Variants in NOS1AP observed in about 807,000 individuals in gnomAD.
NOS1AP encodes carboxyl-terminal PDZ ligand of neuronal nitric oxide synthase protein.
Under a neutral mutation model 56.2 loss-of-function variants are expected in NOS1AP, and 21 were observed. That is an observed-to-expected ratio of 0.37 (90% CI 0.26 to 0.54). The LOEUF (loss-of-function observed/expected upper bound fraction) is 0.54. Ranked by LOEUF, NOS1AP falls within the 20% of genes least tolerant of loss-of-function variation. The pLI is 0.84. For synonymous variants in NOS1AP, 270 were observed against 274.6 expected (o/e 0.98, Z 0.17); for missense variants, 522 against 657.8 (o/e 0.79, Z 2.26).
chr1:162,292,758 T>G (rs1278716448), intron 3 of NOS1AP, among the ~76,000 whole-genome samples: 2 of 152,234 alleles, frequency 1.3e-5, no homozygotes, highest in Non-Finnish European at 2.9e-5. Flanking sequence ...GGAAACTATG[T>G]TCCTGCCCAA....
rs1657730327 is a variant in NOS1AP at position 162,357,065 on chromosome 1, C to T, written c.868C>T (p.His290Tyr). The change falls in exon 8 of 10, where the codon CAC becomes TAC. Residue 290 changes from histidine (H) to tyrosine (Y), a missense_variant. Physicochemically the swap from His to Tyr is moderately conservative, Grantham distance 83. Transcript: ENST00000361897. ...GLGTETPLST[H>Y]HQMQLLQQLL... is the part of the protein sequence containing the mutation. ...GGGCACAGAGACACCGCTGTCCACT[C>T]ACCACCAGATGCAGCTCCTCCAGCA... 3.1e-6 allele frequency: 5 copies of T among 1,613,146 alleles called. No individual in the cohort carries two copies. Among genetic ancestry groups the T allele is most frequent in the Non-Finnish European group, 3.4e-6 (4 of 1,180,046 alleles).
At chr1:162,175,041 A>G (rs1011384694) in intron 2 of NOS1AP, among the ~76,000 whole-genome samples, 5 of 152,160 alleles carry the variant, frequency 3.3e-5, no homozygotes, top group Admixed American at 1.3e-4. Flanking sequence ...ATATAATTTG[A>G]AGGGTACATA....
Position 162,335,100 on chromosome 1 carries a change from G to A in NOS1AP, c.453+1975G>A, listed in dbSNP as rs1315308145. On this transcript the variant is annotated intron_variant, in intron 5 of 9. Transcript: ENST00000361897. ...GCACAGAATGGAGTTCCCATTATCC[G>A]TGAAAAGGAGTAGTCATCTGGTTCC... 2.0e-5 allele frequency among the ~76,000 whole-genome samples: 3 copies of A among 152,300 alleles called. No individual in the cohort carries two copies. In the East Asian group the frequency reaches 5.8e-4, roughly 29 times the overall value.
chr1:162,339,361 G>A (rs1657032835), intron 5 of NOS1AP, among the ~76,000 whole-genome samples: 1 of 151,440 alleles, frequency 6.6e-6, no homozygotes, highest in Admixed American at 6.6e-5. Flanking sequence ...AAACTAAACT[G>A]GATTTGTACA....
At chr1:162,330,138 T>G (rs1031719928) in intron 4 of NOS1AP, among the ~76,000 whole-genome samples, 1 of 152,238 alleles carries the variant, frequency 6.6e-6, no homozygotes, top group Non-Finnish European at 1.5e-5. Flanking sequence ...GGGTATTACA[T>G]AAGAATAAGT....
At chr1:162,116,412 C>T (rs904614370) in intron 1 of NOS1AP, among the ~76,000 whole-genome samples, 6 of 152,170 alleles carry the variant, frequency 3.9e-5, no homozygotes, top group South Asian at 2.1e-4. Flanking sequence ...GGTGACCCTT[C>T]GCTCCCCAGG....
At chr1:162,233,528 A>G (rs1303352044) in intron 2 of NOS1AP, among the ~76,000 whole-genome samples, 1 of 152,118 alleles carries the variant, frequency 6.6e-6, no homozygotes, top group Non-Finnish European at 1.5e-5. Context: ...TGGTAGATCC[A>G]GTTGTGTTAC....
intron 1 of NOS1AP, among the ~76,000 whole-genome samples, chr1:162,127,574 A>G (rs1558111812): frequency 1.3e-5 from 2 of 152,046 alleles, no homozygotes; most frequent in Admixed American, 1.3e-4. Context: ...TGCAAACTGT[A>G]TAGGAAGATT....
At chr1:162,180,216 G>C (rs1651204091) in intron 2 of NOS1AP, among the ~76,000 whole-genome samples, 1 of 151,956 alleles carries the variant, frequency 6.6e-6, no homozygotes, top group Non-Finnish European at 1.5e-5. Context: ...CCTCCTCCAT[G>C]ATGTGTTATT....
intron 2 of NOS1AP, among the ~76,000 whole-genome samples, chr1:162,196,667 C>T (rs1021025988): frequency 2.6e-5 from 4 of 152,200 alleles, no homozygotes; most frequent in Non-Finnish European, 4.4e-5. Context: ...GGATGAGCTT[C>T]CCATTGCCAC....
At chr1:162,108,696 C>A (rs1164227499) in intron 1 of NOS1AP, among the ~76,000 whole-genome samples, 2 of 151,582 alleles carry the variant, frequency 1.3e-5, no homozygotes, top group African/African-American at 2.4e-5. Context: ...TCTGAACAAG[C>A]CTCTAAATTT....
intron 2 of NOS1AP, among the ~76,000 whole-genome samples, chr1:162,255,480 G>T (rs866779549): frequency 3.1e-5 from 3 of 97,110 alleles, no homozygotes; most frequent in Admixed American, 1.3e-4. Flanking sequence ...TAGGTTATTT[G>T]CTGCTGCTGA....
At chr1:162,312,954 C>G (rs2661813) in intron 4 of NOS1AP, among the ~76,000 whole-genome samples, 3 of 151,082 alleles carry the variant, frequency 2.0e-5, no homozygotes, top group African/African-American at 7.3e-5. Context: ...AAACTCTCAA[C>G]AAATTAGGTA....
chr1:162,233,548 A>G (rs1653194829), intron 2 of NOS1AP, among the ~76,000 whole-genome samples: 1 of 152,172 alleles, frequency 6.6e-6, no homozygotes, highest in Non-Finnish European at 1.5e-5. Flanking sequence ...CCGTCACCAC[A>G]ATTTAAGAAT....
intron 6 of NOS1AP, among the ~76,000 whole-genome samples, chr1:162,346,096 TC>T (rs1175867345): frequency 3.9e-5 from 6 of 152,146 alleles, no homozygotes; most frequent in Non-Finnish European, 5.9e-5. Flanking sequence ...AGAGAGGGAA[TC>T]CCTATGGAGA....
intron 1 of NOS1AP, among the ~76,000 whole-genome samples, chr1:162,099,790 A>G (rs1692337810): frequency 6.6e-6 from 1 of 150,940 alleles, no homozygotes. Flanking sequence ...CACTCCCCCG[A>G]CCCCACAACA....
chr1:162,076,117 C>A (rs139943507), intron 1 of NOS1AP, among the ~76,000 whole-genome samples: 257 of 152,270 alleles, frequency 1.7e-3, no homozygotes, highest in Non-Finnish European at 2.9e-3. Context: ...AAGACTCAAA[C>A]TTTCAGAATG....
At chr1:162,317,214 G>T (rs1181992072) in intron 4 of NOS1AP, 2 of 152,248 alleles carry the variant, frequency 1.3e-5, no homozygotes, top group African/African-American at 4.8e-5. Context: ...AATTGTTGGA[G>T]ATGGACCTGA....
chr1:162,295,028 T>C (rs971213596), intron 3 of NOS1AP, among the ~76,000 whole-genome samples: 2 of 152,176 alleles, frequency 1.3e-5, no homozygotes, highest in African/African-American at 4.8e-5. Flanking sequence ...CCTGGACTCA[T>C]AGTGGAAGGA....
Sources: gnomAD v4.1 joint callset for allele counts (sites outside exome capture counted in the v4.1 genomes callset) on GRCh38, gnomAD v4.1.1 for gene constraint, MANE v1.5 for transcripts, NCBI Gene and HGNC (gene_info 2026-07-23, HGNC 2026-07-21) for gene names.